VAPB: variants seen among roughly 807,000 people sequenced by gnomAD.
The protein encoded by VAPB is VAMP associated protein B and C.
VAPB carries 7 observed loss-of-function variants against 25.6 expected under a neutral mutation model. That is an observed-to-expected ratio of 0.27 (90% CI 0.16 to 0.51). VAPB has a LOEUF of 0.51. Among genes scored for constraint, VAPB ranks in the 20% least tolerant of loss-of-function variants. VAPB has a pLI of 0.97. For synonymous variants in VAPB, 112 were observed against 109.2 expected, an observed-to-expected ratio of 1.03 and a Z score of -0.16; for missense variants, 266 against 301.3, an observed-to-expected ratio of 0.88 and a Z score of 0.87.
chr20:58,421,293 C>T (rs1434677640), intron 2 of VAPB, among the ~76,000 whole-genome samples: 3 of 152,132 alleles, frequency 2.0e-5, no homozygotes, highest in Admixed American at 6.5e-5. Flanking sequence ...TTTGTACGTT[C>T]GTTGTTCTTC....
chr20:58,430,638 C>T (rs1161615910), intron 2 of VAPB, among the ~76,000 whole-genome samples: 2 of 151,782 alleles, frequency 1.3e-5, no homozygotes, highest in Non-Finnish European at 2.9e-5. Flanking sequence ...TGCAGTGGCG[C>T]CGTCTTGGCT....
chr20:58,409,676 A>G (rs1405360583), intron 1 of VAPB, among the ~76,000 whole-genome samples: 1 of 152,234 alleles, frequency 6.6e-6, no homozygotes, highest in Non-Finnish European at 1.5e-5. Flanking sequence ...ACTGTTGTGA[A>G]GCTAATAACT....
At chr20:58,430,407 G>T (rs552754934) in intron 2 of VAPB, among the ~76,000 whole-genome samples, 182 of 150,784 alleles carry the variant, frequency 1.2e-3, no homozygotes, top group African/African-American at 4.3e-3. Context: ...GATTACAGGT[G>T]CCCACCACCG....
Position 58,389,280 on chromosome 20 carries a change from T to C in VAPB, c.-180T>C, listed in dbSNP as rs1370952211. 2.9e-6 allele frequency: 2 copies of C among 698,964 alleles called. No homozygotes were observed. The highest frequency in any genetic ancestry group is 2.9e-5 in the East Asian group (1 of 34,242). 43.3% of individuals were successfully genotyped at this position (698,964 alleles called of 1,614,324 possible). On this transcript the variant is annotated 5_prime_UTR_variant, in exon 1 of 6. Transcript: ENST00000475243. ...CGGCCTCGCCCTCGCCCTCCGCCCC[T>C]GCGCCTGCACCGCGTAGACCGACCC...
intron 1 of VAPB, among the ~76,000 whole-genome samples, chr20:58,412,044 G>A (rs1320736059): frequency 6.6e-6 from 1 of 152,280 alleles, no homozygotes; most frequent in African/African-American, 2.4e-5. Context: ...TTTTATTCAG[G>A]TATGTTTTTA....
rs768201069 is a variant in VAPB at position 58,449,133 on chromosome 20, TG to T, written c.*4901del. 4 of 453,934 alleles carry T rather than the reference TG, an allele frequency of 8.8e-6. 1 individual carries two copies. Among genetic ancestry groups the T allele is most frequent in the South Asian group, 6.2e-5 (4 of 64,478 alleles). The allele number at this position is 453,934 out of a possible 1,614,324, so 28.1% of individuals were successfully genotyped here. On this transcript the variant is annotated 3_prime_UTR_variant, in exon 6 of 6. Coordinates refer to ENST00000475243, the MANE Select transcript of VAPB (RefSeq NM_004738.5). The stretch of plus-strand genomic sequence containing the variant: ...GCCGACAGGCAAGCTTGGGAGGCTG[TG>T]GGAATGGGTCTGCCCCCAGCTTCAC...
At position 58,438,947 on chromosome 20, in the gene VAPB, G is replaced by A. The variant is rs1381873650; in HGVS notation, c.318G>A (p.Trp106Ter). Residue 106 changes from tryptophan to a stop codon, truncating the protein, a stop_gained and splice_region_variant, in exon 4 of 6, where the codon TGG (tryptophan) becomes TGA (stop). Transcript: ENST00000475243. LOFTEE classifies it high-confidence loss of function. The stretch of plus-strand genomic sequence containing the variant: ...TTATTAAATTTAAATTGTTTTAGTG[G>A]AAGGAGGCAAAACCGGAAGACCTTA... ...PTDTSDMEAV[W>*]KEAKPEDLMD... The A allele has an allele frequency of 6.2e-7, 1 of 1,613,424 alleles. No homozygotes were observed. The highest frequency in any genetic ancestry group is 1.1e-5 in the South Asian group (1 of 91,052).
chr20:58,398,568 A>G (rs957665601), intron 1 of VAPB, among the ~76,000 whole-genome samples: 1 of 152,298 alleles, frequency 6.6e-6, no homozygotes, highest in East Asian at 1.9e-4. Context: ...ACGAGGGAAA[A>G]TGGGGACAAG....
rs1568727634 is a variant in VAPB at position 58,450,960 on chromosome 20, C to T, written c.*6725C>T. The T allele has an allele frequency of 2.2e-6, 1 of 454,114 alleles. No individual in the cohort carries two copies. 28.1% of individuals were successfully genotyped at this position (454,114 alleles called of 1,614,324 possible). On this transcript the variant is annotated 3_prime_UTR_variant, in exon 6 of 6. Transcript: ENST00000475243. The stretch of plus-strand genomic sequence containing the variant: ...AGAAGGAGATGTATTTCTGCAGGGT[C>T]CAGACCAAAAGAGCCATTTACAGCA...
At chr20:58,391,722 G>A (rs1166214391) in intron 1 of VAPB, among the ~76,000 whole-genome samples, 4 of 152,106 alleles carry the variant, frequency 2.6e-5, no homozygotes, top group African/African-American at 4.8e-5. Flanking sequence ...TAGTAGAGAC[G>A]GTGTTTCACT....
Position 58,450,748 on chromosome 20 carries a change from A to G in VAPB, c.*6513A>G, listed in dbSNP as rs959256123. On this transcript the variant is annotated 3_prime_UTR_variant, in exon 6 of 6. Transcript: ENST00000475243. Reference sequence around the variant, plus strand: ...TAACATGTTAGGAACTGAGTATCTTAAGAGATGTCTTAGAATGCTTTAGTT... The same window carrying G: ...TAACATGTTAGGAACTGAGTATCTTGAGAGATGTCTTAGAATGCTTTAGTT... The G allele has an allele frequency of 1.5e-5, 7 of 453,830 alleles. No homozygotes were observed. The highest frequency in any genetic ancestry group is 1.4e-4 in the African/African-American group (7 of 49,968). The allele number at this position is 453,830 out of a possible 1,614,324, so 28.1% of individuals were successfully genotyped here.
chr20:58,425,483 C>T (rs1182640472), intron 2 of VAPB, among the ~76,000 whole-genome samples: 1 of 152,242 alleles, frequency 6.6e-6, no homozygotes, highest in African/African-American at 2.4e-5. Context: ...AATTAGCACC[C>T]AGAATGTGAG....
chr20:58,441,143 G>A (rs1360252913), intron 5 of VAPB, 60 bp downstream of exon 5: 3 of 1,577,246 alleles, frequency 1.9e-6, no homozygotes, highest in Non-Finnish European at 2.6e-6. Context: ...AGCTTCTTGG[G>A]TGGGGAAGTT....
At chr20:58,394,452 G>A (rs937632699) in intron 1 of VAPB, among the ~76,000 whole-genome samples, 1 of 152,236 alleles carries the variant, frequency 6.6e-6, no homozygotes, top group African/African-American at 2.4e-5. Context: ...TCATGATCAC[G>A]TGGAGCAGAC....
intron 1 of VAPB, among the ~76,000 whole-genome samples, chr20:58,393,741 G>GTTTTGT (rs1555810419): frequency 1.7e-3 from 223 of 132,950 alleles, no homozygotes; most frequent in African/African-American, 5.8e-3. Flanking sequence ...GTTTTGTTTT[G>GTTTTGT]TTTTTTTTGA....
At chr20:58,402,297 A>C (rs1988114860) in intron 1 of VAPB, among the ~76,000 whole-genome samples, 1 of 152,100 alleles carries the variant, frequency 6.6e-6, no homozygotes, top group Non-Finnish European at 1.5e-5. Flanking sequence ...ATCATGACTT[A>C]CCCTGTATGT....
At chr20:58,399,301 A>C (rs1307876758) in intron 1 of VAPB, among the ~76,000 whole-genome samples, 1 of 143,702 alleles carries the variant, frequency 7.0e-6, no homozygotes, top group East Asian at 2.0e-4. Flanking sequence ...ACTCCGTCTC[A>C]AAAAAAAAAA....
chr20:58,397,632 G>A lies in VAPB; in HGVS notation c.58+8115G>A, dbSNP rs1175366194. On this transcript the variant is annotated intron_variant, in intron 1 of 5. Coordinates refer to ENST00000475243, the MANE Select transcript of VAPB (RefSeq NM_004738.5). Reference sequence around the variant, plus strand: ...GTGGTAGAGATTTCATAGGCTTGCAGGTTTGTAGAGTGGGAATTCAAGAAG... The same window carrying A: ...GTGGTAGAGATTTCATAGGCTTGCAAGTTTGTAGAGTGGGAATTCAAGAAG... Among the ~76,000 whole-genome samples the A allele has an allele frequency of 2.0e-5, 3 of 152,150 alleles. No homozygotes were observed. The East Asian group carries it at 5.8e-4, about 29-fold the overall frequency.
chr20:58,403,313 C>T (rs979061935), intron 1 of VAPB, among the ~76,000 whole-genome samples: 1 of 152,178 alleles, frequency 6.6e-6, no homozygotes, highest in East Asian at 1.9e-4. Flanking sequence ...TAGCCTATTA[C>T]TGCTGTCTCA....
Sources: allele counts gnomAD v4.1 joint callset (sites outside exome capture counted in the v4.1 genomes callset), GRCh38; gene constraint gnomAD v4.1.1; transcripts MANE v1.5; gene names NCBI Gene and HGNC (gene_info 2026-07-23, HGNC 2026-07-21).